Variants in RCC1L observed in about 807,000 individuals in gnomAD.
The protein encoded by RCC1L is RCC1-like G exchanging factor-like protein.
Under a neutral mutation model 58.6 loss-of-function variants are expected in RCC1L, and 46 were observed. The observed-to-expected ratio is 0.79, with a 90% CI of 0.62 to 1.00. The LOEUF (loss-of-function observed/expected upper bound fraction) is 1.00. Ranked by LOEUF, RCC1L falls within the 50% of genes least tolerant of loss-of-function variation. RCC1L has a pLI of 0.00. For missense variants in RCC1L, 636 were observed against 623.6 expected (o/e 1.02, Z -0.21); for synonymous variants, 281 against 262.9 (o/e 1.07, Z -0.67).
intron 8 of RCC1L, chr7:75,056,665 G>A: frequency 3.3e-6 from 5 of 1,535,486 alleles, no homozygotes; most frequent in South Asian, 1.2e-5. Context: ...GGGGAATGAA[G>A]TAGTTCGCTC....
At chr7:75,046,719 A>G (rs1805731158) in intron 10 of RCC1L, among the ~76,000 whole-genome samples, 1 of 152,264 alleles carries the variant, frequency 6.6e-6, no homozygotes, top group Non-Finnish European at 1.5e-5. Flanking sequence ...TGAGGGAAAC[A>G]GTTCCAAAAA....
In RCC1L at chr7:75,064,756, AC is replaced by A. The variant is rs1307218275; in HGVS notation, c.584-109del. On this transcript the variant is annotated intron_variant, in intron 3 of 10. Transcript: ENST00000610322. The stretch of plus-strand genomic sequence containing the variant: ...GGTCCCGTCCTGGTTACTCACCCCC[AC>A]CCCCCAACTGCCCCTGGGTTTCCTT... 3.5e-5 allele frequency: 43 copies of A among 1,221,390 alleles called. No individual in the cohort carries two copies. The African/African-American group carries it at 4.2e-4, about 12-fold the overall frequency. 75.7% of individuals were successfully genotyped at this position (1,221,390 alleles called of 1,614,324 possible).
chr7:75,070,520 A>AGGATCTCGCCACTGCACTCTAGCCTG, intron 2 of RCC1L, 120 bp downstream of exon 2: 1 of 1,356,426 alleles, frequency 7.4e-7, no homozygotes, highest in Non-Finnish European at 9.8e-7. Flanking sequence ...GCAGTGAGCC[A>AGGATCTCGCCACTGCACTCTAGCCTG]GGATCTCGCC....
chr7:75,029,952 T>G (rs1291022846), intron 10 of RCC1L, among the ~76,000 whole-genome samples: 1 of 152,038 alleles, frequency 6.6e-6, no homozygotes. Flanking sequence ...GAGGCCAAGA[T>G]AGCAAGACCA....
intron 6 of RCC1L, among the ~76,000 whole-genome samples, chr7:75,060,368 A>G (rs1003937475): frequency 6.6e-6 from 1 of 152,256 alleles, no homozygotes; most frequent in African/African-American, 2.4e-5. Flanking sequence ...GGTTACCCCC[A>G]TACCAAGTGC....
intron 10 of RCC1L, among the ~76,000 whole-genome samples, chr7:75,050,139 A>C (rs1805859881): frequency 6.6e-6 from 1 of 152,098 alleles, no homozygotes; most frequent in African/African-American, 2.4e-5. Context: ...AATGATAGCC[A>C]GGCGTCGTGG....
Position 75,072,155 on chromosome 7 carries a change from CATATACATATATATAT to C in RCC1L, c.324+1243_324+1258del, listed in dbSNP as rs1192763277. Among the ~76,000 whole-genome samples, 104 of 48,130 alleles carry C rather than the reference CATATACATATATATAT, an allele frequency of 2.2e-3. 10 individuals are homozygous for C. In the East Asian group the frequency reaches 0.036, roughly 16 times the overall value. 31.6% of individuals were successfully genotyped at this position (48,130 alleles called of 152,430 possible). A position where few individuals can be genotyped will look rare whatever the true frequency, so the allele number is the denominator to read the frequency against. On this transcript the variant is annotated intron_variant, in intron 1 of 10. Transcript: ENST00000610322. ...TTTTAAATTTATACATATACATATA[CATATACATATATATAT>C]ATATATATATATATATATATGGAGA...
At chr7:75,055,566 G>A (rs1371890296) in intron 9 of RCC1L, 5 of 373,818 alleles carry the variant, frequency 1.3e-5, no homozygotes, top group Non-Finnish European at 2.0e-5. Flanking sequence ...ACCCACCCAT[G>A]GATCCGCCAA....
intron 3 of RCC1L, among the ~76,000 whole-genome samples, chr7:75,066,402 C>G (rs587756983): frequency 1.3e-5 from 2 of 151,762 alleles, no homozygotes; most frequent in African/African-American, 2.4e-5. Context: ...TGCAGTGAGC[C>G]GAGATTACAC....
At chr7:75,066,845 C>G in intron 2 of RCC1L, 53 bp from the exon 3 acceptor site, 1 of 1,569,624 alleles carries the variant, frequency 6.4e-7, no homozygotes, top group Non-Finnish European at 8.6e-7. Flanking sequence ...CACTGGAAAT[C>G]ATACTGTCCA....
downstream of RCC1L, among the ~76,000 whole-genome samples, chr7:75,040,914 T>A (rs1805540785): frequency 6.6e-6 from 1 of 152,020 alleles, no homozygotes; most frequent in Admixed American, 6.6e-5. Flanking sequence ...GGGTGACCAT[T>A]CCACTTTAAA....
At chr7:75,032,642 A>G (rs1805334000) in intron 10 of RCC1L, among the ~76,000 whole-genome samples, 1 of 152,136 alleles carries the variant, frequency 6.6e-6, no homozygotes, top group Non-Finnish European at 1.5e-5. Context: ...GCCCACAGGA[A>G]GAGAACCTGG....
intron 5 of RCC1L, 49 bp from the exon 6 acceptor site, chr7:75,061,340 C>G (rs1806272907): frequency 6.5e-7 from 1 of 1,537,488 alleles, no homozygotes; most frequent in Non-Finnish European, 9.0e-7. Flanking sequence ...ACTTAGAACC[C>G]TGGTGTCCTC....
intron 8 of RCC1L, 101 bp from the exon 9 acceptor site, chr7:75,056,175 GTTTTTTTTTGT>G (rs1227733454): frequency 1.6e-4 from 205 of 1,250,780 alleles, no homozygotes; most frequent in Non-Finnish European, 2.2e-4. Flanking sequence ...CATCCACACG[GTTTTTTTTTGT>G]TTTTTTTTTG....
intron 9 of RCC1L, among the ~76,000 whole-genome samples, chr7:75,053,060 G>T (rs1329257018): frequency 1.3e-5 from 2 of 149,380 alleles, no homozygotes; most frequent in African/African-American, 5.0e-5. Flanking sequence ...TGGGGCAGGG[G>T]GCAGTGCACG....
chr7:75,072,981 T>C (rs1445659183), intron 1 of RCC1L, among the ~76,000 whole-genome samples: 1 of 152,222 alleles, frequency 6.6e-6, no homozygotes, highest in African/African-American at 2.4e-5. Flanking sequence ...TTCTGAGTTG[T>C]TCATTGAAAC....
chr7:75,058,005 A>C (rs1489389842), intron 7 of RCC1L: 1 of 309,720 alleles, frequency 3.2e-6, no homozygotes, highest in Admixed American at 4.5e-5. Context: ...TAAAAATACA[A>C]AAGTTAGCTG....
Position 75,063,333 on chromosome 7 carries a change from T to C in RCC1L, c.661A>G (p.Arg221Gly). 6.2e-7 allele frequency: 1 copy of C among 1,613,850 alleles called. No homozygotes were observed. The highest frequency in any genetic ancestry group is 8.5e-7 in the Non-Finnish European group (1 of 1,179,824). ...VENEIYSESH[R>G]VHRMQDFDGQ... ...TCGAAGTCCTGCATCCTGTGGACTC[T>C]GTGACTTTCACTACAGCCAGGAACA... Residue 221 changes from arginine (R) to glycine (G), a missense_variant, in exon 5 of 11, where the codon AGA (arginine) becomes GGA (glycine). Transcript: ENST00000610322.
At chr7:75,031,736 G>A (rs893569098) in intron 10 of RCC1L, among the ~76,000 whole-genome samples, 10 of 152,092 alleles carry the variant, frequency 6.6e-5, no homozygotes, top group Non-Finnish European at 1.2e-4. Context: ...CAAACTTAGC[G>A]GCTTAACATG....
Sources: allele counts gnomAD v4.1 joint callset (sites outside exome capture counted in the v4.1 genomes callset), GRCh38; gene constraint gnomAD v4.1.1; transcripts MANE v1.5; gene names NCBI Gene and HGNC (gene_info 2026-07-23, HGNC 2026-07-21).